HABP2: variants seen among roughly 807,000 people sequenced by gnomAD.
HABP2 encodes the protein factor VII-activating protease.
HABP2 carries 65 observed loss-of-function variants against 66.5 expected under a neutral mutation model. The observed-to-expected ratio is 0.98, with a 90% CI of 0.80 to 1.20. HABP2 has a LOEUF of 1.20. Ranked by LOEUF, HABP2 falls within the 50% of genes most tolerant of loss-of-function variation. The pLI is 0.00. For missense variants in HABP2, 786 were observed against 691.0 expected (o/e 1.14, Z -1.54); for synonymous variants, 263 against 253.9 (o/e 1.04, Z -0.34).
At chr10:113,577,363 T>G (rs1845430748) in intron 5 of HABP2, 97 bp downstream of exon 5, 4 of 728,870 alleles carry the variant, frequency 5.5e-6, no homozygotes, top group Non-Finnish European at 1.0e-5. Context: ...GATGTTTTTG[T>G]GGCAGGCACC....
At chr10:113,569,166 T>A (rs1845256481) in intron 2 of HABP2, among the ~76,000 whole-genome samples, 1 of 152,220 alleles carries the variant, frequency 6.6e-6, no homozygotes, top group Admixed American at 6.5e-5. Context: ...GGAGGCTTTT[T>A]AAGCACAGGC....
intron 11 of HABP2, among the ~76,000 whole-genome samples, chr10:113,585,545 T>C (rs917906717): frequency 6.6e-6 from 1 of 152,142 alleles, no homozygotes; most frequent in African/African-American, 2.4e-5. Context: ...CTGAACCTCA[T>C]GGCCTACCTG....
At chr10:113,584,536 C>G (rs11575776) in intron 11 of HABP2, among the ~76,000 whole-genome samples, 464 of 152,266 alleles carry the variant, frequency 3.0e-3, no homozygotes, top group African/African-American at 0.011. Flanking sequence ...AAGCATTGAC[C>G]CTGCATTTAT....
At chr10:113,568,637 G>A (rs1423025577) in intron 2 of HABP2, among the ~76,000 whole-genome samples, 1 of 152,206 alleles carries the variant, frequency 6.6e-6, no homozygotes, top group Non-Finnish European at 1.5e-5. Context: ...ATTTCAGAGA[G>A]TTATCCCCTA....
intron 2 of HABP2, among the ~76,000 whole-genome samples, chr10:113,568,543 G>A (rs1443811105): frequency 6.6e-6 from 1 of 152,282 alleles, no homozygotes; most frequent in East Asian, 1.9e-4. Flanking sequence ...TTGGCATGGT[G>A]TGTGGGGTTT....
At position 113,583,356 on chromosome 10, in the gene HABP2, T is replaced by G. The variant is rs773406671; in HGVS notation, c.1235T>G (p.Ile412Ser). 1 of 1,612,792 alleles carries G rather than the reference T, an allele frequency of 6.2e-7. No homozygotes were observed. The highest frequency in any genetic ancestry group is 8.5e-7 in the Non-Finnish European group (1 of 1,178,750). ...AGAGATGAGATTCCCCACAATGATA[T>G]TGGCAAGTTCCTCTTTCATGGCTTT... ...NERDEIPHND[I>S]ALLKLKPVDG... Residue 412 changes from isoleucine to serine, a missense_variant and splice_region_variant, in exon 10 of 13, where the codon ATT (isoleucine) becomes AGT (serine). Physicochemically the swap from Ile to Ser is moderately radical, Grantham distance 142. Transcript: ENST00000351270.
At chr10:113,582,237 T>A in intron 9 of HABP2, 106 bp downstream of exon 9, 7 of 1,169,618 alleles carry the variant, frequency 6.0e-6, no homozygotes, top group Non-Finnish European at 8.2e-6. Flanking sequence ...TTAGGGGGTC[T>A]GATCTGTTCA....
At chr10:113,575,362 G>C (rs536349779) in intron 3 of HABP2, among the ~76,000 whole-genome samples, 3 of 152,292 alleles carry the variant, frequency 2.0e-5, no homozygotes, top group East Asian at 1.9e-4. Flanking sequence ...AAAGATGAAG[G>C]CCACTGGGTC....
intron 1 of HABP2, among the ~76,000 whole-genome samples, chr10:113,556,727 A>G (rs1369579720): frequency 6.6e-6 from 1 of 151,514 alleles, no homozygotes; most frequent in African/African-American, 2.4e-5. Flanking sequence ...AAAAGTTTAA[A>G]AAAAAAAAGA....
At chr10:113,572,541 A>T (rs1171295462) in intron 2 of HABP2, 1 of 270,388 alleles carries the variant, frequency 3.7e-6, no homozygotes, top group Non-Finnish European at 7.4e-6. Context: ...CAATGCAATC[A>T]GCTCCTTATC....
chr10:113,583,092 G>A (rs900903082), intron 9 of HABP2, 124 bp from the exon 10 acceptor site: 61 of 739,710 alleles, frequency 8.2e-5, no homozygotes, highest in Non-Finnish European at 1.3e-4. Flanking sequence ...TACCACAGCA[G>A]AGTTCTGTGA....
At position 113,563,138 on chromosome 10, in the gene HABP2, G is replaced by A. The variant is rs557615816; in HGVS notation, c.70-4351G>A. On this transcript the variant is annotated intron_variant, in intron 1 of 12. Transcript: ENST00000351270. ...GGCACATTGTCAGCTCTAAAGGAAT[G>A]TGAACTGAGATAACAGTTTTCTCCC... Among the ~76,000 whole-genome samples, 530 of 152,340 alleles carry A rather than the reference G, an allele frequency of 3.5e-3. 3 individuals carry two copies. The highest frequency in any genetic ancestry group is 0.012 in the African/African-American group (504 of 41,586).
rs1845797976 is a variant in HABP2 at position 113,589,392 on chromosome 10, C to T, written c.*1023C>T. On this transcript the variant is annotated 3_prime_UTR_variant, in exon 13 of 13. Transcript: ENST00000351270. Reference sequence around the variant, plus strand: ...GAGCAAGCAGTCAGCACAGCCTGGGCTGCCCTGGCCCGGGATTGATGTAGC... The same window carrying T: ...GAGCAAGCAGTCAGCACAGCCTGGGTTGCCCTGGCCCGGGATTGATGTAGC... 1 of 573,992 alleles carries T rather than the reference C, an allele frequency of 1.7e-6. No individual in the cohort carries two copies. The highest frequency in any genetic ancestry group is 3.1e-6 in the Non-Finnish European group (1 of 324,924). The allele number at this position is 573,992 out of a possible 1,614,324, so 35.6% of individuals were successfully genotyped here.
At chr10:113,586,770 G>C (rs139011639) in intron 12 of HABP2, among the ~76,000 whole-genome samples, 248 of 152,232 alleles carry the variant, frequency 1.6e-3, no homozygotes, top group African/African-American at 5.7e-3. Context: ...TAAATGTCCT[G>C]GAAAACAGCA....
chr10:113,583,148 A>C, intron 9 of HABP2, 68 bp from the exon 10 acceptor site: 1 of 1,430,888 alleles, frequency 7.0e-7, no homozygotes, highest in Non-Finnish European at 9.7e-7. Flanking sequence ...GCAGAAGGTC[A>C]GATTTGCCAA....
intron 12 of HABP2, among the ~76,000 whole-genome samples, chr10:113,586,292 C>A (rs898818361): frequency 3.3e-5 from 5 of 152,166 alleles, no homozygotes; most frequent in African/African-American, 1.2e-4. Flanking sequence ...TTGAACAATA[C>A]AGTCTGCAGG....
chr10:113,577,180 G>A lies in HABP2; in HGVS notation c.362G>A (p.Gly121Asp), dbSNP rs990174546. 6 of 1,611,788 alleles carry A rather than the reference G, an allele frequency of 3.7e-6. No homozygotes were observed. The highest frequency in any genetic ancestry group is 4.2e-6 in the Non-Finnish European group (5 of 1,177,872). ...VQNTCKDNPC[G>D]RGQCLITQSP... The stretch of plus-strand genomic sequence containing the variant: ...AATACGTGCAAGGACAACCCATGTG[G>A]CCGGGGCCAATGTCTCATTACCCAG... Residue 121 changes from glycine (G) to aspartate (D), a missense_variant, in exon 5 of 13, where the codon GGC (glycine) becomes GAC (aspartate). Coordinates refer to ENST00000351270, the MANE Select transcript of HABP2 (RefSeq NM_004132.5).
chr10:113,580,495 G>A (rs1845504462), intron 7 of HABP2, 100 bp from the exon 8 acceptor site: 2 of 702,282 alleles, frequency 2.8e-6, no homozygotes, highest in East Asian at 2.5e-5. Context: ...GGTCCCAGGG[G>A]GAGCACAAGA....
intron 12 of HABP2, 53 bp downstream of exon 12, chr10:113,585,991 C>G (rs1200289352): frequency 6.5e-7 from 1 of 1,535,432 alleles, no homozygotes; most frequent in Admixed American, 1.7e-5. Flanking sequence ...GGATGTTTCA[C>G]TAGGCAGAGG....
Sources: gnomAD v4.1 joint callset for allele counts (sites outside exome capture counted in the v4.1 genomes callset) on GRCh38, gnomAD v4.1.1 for gene constraint, MANE v1.5 for transcripts, NCBI Gene and HGNC (gene_info 2026-07-23, HGNC 2026-07-21) for gene names.